The following SEMA3C variants were observed in gnomAD, a reference collection of about 807,000 sequenced individuals.
SEMA3C encodes semaphorin-3C.
Under a neutral mutation model 89.4 loss-of-function variants are expected in SEMA3C, and 47 were observed. The ratio of observed to expected loss-of-function variants is 0.53; its 90% CI spans 0.42 to 0.67. The LOEUF is 0.67. SEMA3C is among the 30% of genes least tolerant of loss of function. The probability of loss-of-function intolerance (pLI) is 0.00; values close to 1 mark genes in which losing one functional copy is unlikely to be tolerated. For synonymous variants in SEMA3C, 310 were observed against 320.2 expected (o/e 0.97, Z 0.34); for missense variants, 839 against 929.1 (o/e 0.90, Z 1.26).
intron 5 of SEMA3C, among the ~76,000 whole-genome samples, chr7:80,814,088 T>C (rs1209625729): frequency 7.3e-6 from 1 of 137,892 alleles, no homozygotes; most frequent in African/African-American, 2.7e-5. Context: ...TTTTTTCTTT[T>C]TTCTTTTTTT....
chr7:80,743,450 T>C lies in SEMA3C; in HGVS notation c.*1444A>G, dbSNP rs1261907424. 2 of 151,890 alleles carry C rather than the reference T, an allele frequency of 1.3e-5. No individual in the cohort carries two copies. Among genetic ancestry groups the C allele is most frequent in the African/African-American group, 4.8e-5 (2 of 41,450 alleles). The allele number at this position is 151,890 out of a possible 1,614,324, so 9.4% of individuals were successfully genotyped here. Reference sequence around the variant, plus strand: ...TACCTTCATCATAGATTATTAACTATAAATAAAATGTTTATATGATATTTG... The same window carrying C: ...TACCTTCATCATAGATTATTAACTACAAATAAAATGTTTATATGATATTTG... On this transcript the variant is annotated 3_prime_UTR_variant, in exon 18 of 18. Transcript: ENST00000265361.
intron 6 of SEMA3C, among the ~76,000 whole-genome samples, chr7:80,810,066 C>T (rs772548255): frequency 2.1e-4 from 32 of 152,076 alleles, no homozygotes; most frequent in Middle Eastern, 3.4e-3. Flanking sequence ...TGCATATTTC[C>T]GAATTGCTTA....
At chr7:80,851,265 T>C (rs1790504504) in intron 2 of SEMA3C, among the ~76,000 whole-genome samples, 1 of 151,958 alleles carries the variant, frequency 6.6e-6, no homozygotes, top group Non-Finnish European at 1.5e-5. Flanking sequence ...TCAGCACTTT[T>C]GGAGGCCATG....
intron 2 of SEMA3C, among the ~76,000 whole-genome samples, chr7:80,848,684 T>G (rs961823386): frequency 1.6e-4 from 25 of 152,208 alleles, no homozygotes; most frequent in Admixed American, 3.9e-4. Context: ...GCAAGTATTT[T>G]TAGAAAACAT....
chr7:80,818,057 TACAC>T (rs58398775), intron 5 of SEMA3C, among the ~76,000 whole-genome samples: 3,573 of 149,422 alleles, frequency 0.024, 152 homozygotes, highest in African/African-American at 0.081. Context: ...ACTAAAAGTA[TACAC>T]ACACACACAC....
At chr7:80,848,963 AGAT>A (rs938859079) in intron 2 of SEMA3C, among the ~76,000 whole-genome samples, 4 of 152,088 alleles carry the variant, frequency 2.6e-5, no homozygotes, top group African/African-American at 7.2e-5. Flanking sequence ...TAACATGGAG[AGAT>A]GATAAGATCT....
chr7:80,879,443 G>A (rs1203314514), intron 2 of SEMA3C, among the ~76,000 whole-genome samples: 6 of 152,176 alleles, frequency 3.9e-5, no homozygotes, highest in Non-Finnish European at 8.8e-5. Flanking sequence ...AGAGATGTGG[G>A]TGTAGTAAGG....
chr7:80,887,585 C>T (rs1306453405), intron 2 of SEMA3C, among the ~76,000 whole-genome samples: 3 of 152,128 alleles, frequency 2.0e-5, no homozygotes, highest in Non-Finnish European at 4.4e-5. Context: ...AGCCTTCAGG[C>T]AAAGGTTAAA....
At chr7:80,859,183 G>T (rs986455197) in intron 2 of SEMA3C, among the ~76,000 whole-genome samples, 33 of 151,970 alleles carry the variant, frequency 2.2e-4, no homozygotes, top group Non-Finnish European at 7.4e-5. Flanking sequence ...GTGTGTAGGT[G>T]CAAAGAAGCA....
intron 7 of SEMA3C, 37 bp downstream of exon 7, chr7:80,805,602 C>A (rs2030924): frequency 3.8e-6 from 6 of 1,564,692 alleles, no homozygotes; most frequent in Middle Eastern, 1.7e-4. Context: ...TAGTTTAACA[C>A]GATACTAAAA....
At chr7:80,771,461 T>G (rs1527477) in intron 12 of SEMA3C, among the ~76,000 whole-genome samples, 37,173 of 152,136 alleles carry the variant, frequency 0.24, 5,385 homozygotes, top group East Asian at 0.41. Context: ...TCCTAGACAG[T>G]CTTCCTTCCT....
chr7:80,843,261 A>C (rs1339021710), intron 2 of SEMA3C, among the ~76,000 whole-genome samples: 4 of 152,206 alleles, frequency 2.6e-5, no homozygotes, highest in Non-Finnish European at 5.9e-5. Flanking sequence ...TATTCCAAAT[A>C]ACCTGACTCT....
rs942903800 is a variant in SEMA3C at position 80,918,809 on chromosome 7, A to T, written c.-39+19T>A. ...ACTTTGCTAAATCTGTAATGCGGAA[A>T]ATGACCAATTTAGCTTACCGAGGTT... On this transcript the variant is annotated intron_variant, in intron 1 of 17. Coordinates refer to ENST00000265361, the MANE Select transcript of SEMA3C (RefSeq NM_006379.5). The T allele has an allele frequency of 4.1e-5, 40 of 985,280 alleles. No individual in the cohort carries two copies. Among genetic ancestry groups the T allele is most frequent in the Non-Finnish European group, 4.6e-5 (38 of 829,908 alleles). The allele number at this position is 985,280 out of a possible 1,614,324, so 61.0% of individuals were successfully genotyped here. A position where few individuals can be genotyped will look rare whatever the true frequency, so the allele number is the denominator to read the frequency against.
chr7:80,796,691 C>T (rs748057112), intron 11 of SEMA3C: 20 of 152,178 alleles, frequency 1.3e-4, no homozygotes, highest in Non-Finnish European at 2.5e-4. Context: ...TTTGTTGTCA[C>T]TTATAATTAA....
intron 12 of SEMA3C, among the ~76,000 whole-genome samples, chr7:80,770,742 T>C (rs1227640094): frequency 6.6e-6 from 1 of 152,202 alleles, no homozygotes; most frequent in Non-Finnish European, 1.5e-5. Context: ...AATAAGAGCA[T>C]ACCCTTGCCC....
chr7:80,848,224 C>G (rs68112751), intron 2 of SEMA3C, among the ~76,000 whole-genome samples: 22,008 of 152,140 alleles, frequency 0.14, 1,651 homozygotes, highest in South Asian at 0.17. Flanking sequence ...AAAGAGAAAA[C>G]TATTCCAAGT....
chr7:80,800,014 G>T (rs1197371545), intron 10 of SEMA3C, among the ~76,000 whole-genome samples: 1 of 151,242 alleles, frequency 6.6e-6, no homozygotes, highest in African/African-American at 2.4e-5. Flanking sequence ...TTAGCCAGGC[G>T]TGGTGGCGGG....
intron 2 of SEMA3C, among the ~76,000 whole-genome samples, chr7:80,885,913 G>C (rs1251697651): frequency 6.6e-6 from 1 of 152,096 alleles, no homozygotes; most frequent in East Asian, 1.9e-4. Flanking sequence ...TCTTGTCATC[G>C]CACAGTATGT....
intron 2 of SEMA3C, among the ~76,000 whole-genome samples, chr7:80,857,855 T>C (rs1185201251): frequency 2.0e-5 from 3 of 152,164 alleles, no homozygotes; most frequent in Admixed American, 6.6e-5. Flanking sequence ...TAAAAAGACT[T>C]ACAGTGTCTT....
Sources: allele counts gnomAD v4.1 joint callset (sites outside exome capture counted in the v4.1 genomes callset), GRCh38; gene constraint gnomAD v4.1.1; transcripts MANE v1.5; gene names NCBI Gene and HGNC (gene_info 2026-07-23, HGNC 2026-07-21).